HCN1: variants seen among roughly 807,000 people sequenced by gnomAD.
HCN1 encodes hyperpolarization activated cyclic nucleotide gated potassium channel 1.
HCN1 carries 13 observed loss-of-function variants against 78.9 expected under a neutral mutation model. That is an observed-to-expected ratio of 0.16 (90% confidence interval 0.11 to 0.26). The LOEUF (loss-of-function observed/expected upper bound fraction) is 0.26, where lower values mean the gene tolerates loss of function less well. Among genes scored for constraint, HCN1 ranks in the 10% least tolerant of loss-of-function variants. HCN1 has a pLI of 1.00. For missense variants in HCN1, 810 were observed against 1,154.3 expected (o/e 0.70, Z 4.32); for synonymous variants, 552 against 455.5 (o/e 1.21, Z -2.70).
At chr5:45,324,488 A>G (rs1746196610) in intron 5 of HCN1, among the ~76,000 whole-genome samples, 1 of 151,994 alleles carries the variant, frequency 6.6e-6, no homozygotes, top group African/African-American at 2.4e-5. Context: ...CGATCATTAA[A>G]AGTCAGGAAA....
At chr5:45,387,529 A>C (rs528236219) in intron 4 of HCN1, among the ~76,000 whole-genome samples, 291 of 152,208 alleles carry the variant, frequency 1.9e-3, no homozygotes, top group Middle Eastern at 3.4e-3. Context: ...TGTTTTACTT[A>C]GGGGCACTTC....
At chr5:45,483,368 C>G (rs564410939) in intron 2 of HCN1, among the ~76,000 whole-genome samples, 3 of 152,284 alleles carry the variant, frequency 2.0e-5, no homozygotes, top group Admixed American at 1.3e-4. Context: ...TTGCATTTCT[C>G]TCATGATTAG....
rs564171298 is a variant in HCN1 at position 45,549,134 on chromosome 5, T to A, written c.850-87127A>T. 2.6e-5 allele frequency among the ~76,000 whole-genome samples: 4 copies of A among 152,132 alleles called. No homozygotes were observed. In the South Asian group the frequency reaches 8.3e-4, roughly 32 times the overall value. On this transcript the variant is annotated intron_variant, in intron 2 of 7. Transcript: ENST00000303230. ...CTACCAATGACTTTCTTCACAGAAT[T>A]GGAAAAATCTACTTTAAAGTTCATA...
intron 2 of HCN1, among the ~76,000 whole-genome samples, chr5:45,531,597 C>T (rs886306459): frequency 1.2e-4 from 19 of 152,284 alleles, no homozygotes; most frequent in Non-Finnish European, 2.1e-4. Flanking sequence ...GCCCTTTCTT[C>T]ATCATATGGA....
At chr5:45,450,799 C>T (rs1479508192) in intron 3 of HCN1, among the ~76,000 whole-genome samples, 1 of 152,040 alleles carries the variant, frequency 6.6e-6, no homozygotes, top group East Asian at 1.9e-4. Context: ...GTTAGGATCT[C>T]AAACAACACA....
At chr5:45,482,809 T>A (rs1452878714) in intron 2 of HCN1, among the ~76,000 whole-genome samples, 1 of 152,136 alleles carries the variant, frequency 6.6e-6, no homozygotes, top group African/African-American at 2.4e-5. Flanking sequence ...ACATTTATGT[T>A]CATGTGTGCT....
At chr5:45,289,642 C>T (rs1561090287) in intron 6 of HCN1, among the ~76,000 whole-genome samples, 1 of 151,906 alleles carries the variant, frequency 6.6e-6, no homozygotes. Context: ...TAGTGAGACT[C>T]AAAAGTCAAA....
chr5:45,556,733 C>T (rs1046784461), intron 2 of HCN1, among the ~76,000 whole-genome samples: 5 of 152,012 alleles, frequency 3.3e-5, no homozygotes, highest in Admixed American at 1.3e-4. Flanking sequence ...ATGCACTGTT[C>T]CCCCAAACTG....
At chr5:45,648,979 C>T (rs1745625499) in intron 1 of HCN1, among the ~76,000 whole-genome samples, 1 of 151,914 alleles carries the variant, frequency 6.6e-6, no homozygotes, top group African/African-American at 2.4e-5. Context: ...CAAGGCACTC[C>T]AGGATATGGC....
At chr5:45,606,105 C>A (rs1744722621) in intron 2 of HCN1, among the ~76,000 whole-genome samples, 1 of 151,972 alleles carries the variant, frequency 6.6e-6, no homozygotes, top group Non-Finnish European at 1.5e-5. Context: ...TTTATGGTTC[C>A]ACCATCAAGA....
intron 3 of HCN1, among the ~76,000 whole-genome samples, chr5:45,431,755 A>G (rs1234197807): frequency 1.3e-5 from 2 of 151,990 alleles, no homozygotes; most frequent in African/African-American, 4.8e-5. Flanking sequence ...GGTGTGTAGC[A>G]TTATTTCTGG....
chr5:45,350,700 C>A (rs571465538), intron 5 of HCN1, among the ~76,000 whole-genome samples: 1 of 150,514 alleles, frequency 6.6e-6, no homozygotes, highest in Non-Finnish European at 1.5e-5. Flanking sequence ...AATCAATGTA[C>A]AAAAATCACA....
chr5:45,378,167 A>ATTTTATACCTAG (rs1261070197), intron 4 of HCN1, among the ~76,000 whole-genome samples: 15 of 151,916 alleles, frequency 9.9e-5, no homozygotes, highest in African/African-American at 3.6e-4. Flanking sequence ...ATTTCCACAT[A>ATTTTATACCTAG]TTTTATACCT....
At chr5:45,443,400 C>T (rs1012686526) in intron 3 of HCN1, among the ~76,000 whole-genome samples, 6 of 151,996 alleles carry the variant, frequency 3.9e-5, no homozygotes, top group African/African-American at 1.4e-4. Flanking sequence ...ATTTTAATGA[C>T]ATGGAAGGTG....
intron 2 of HCN1, among the ~76,000 whole-genome samples, chr5:45,522,223 T>C (rs1324176398): frequency 6.6e-6 from 1 of 152,054 alleles, no homozygotes; most frequent in African/African-American, 2.4e-5. Flanking sequence ...AGAATTACTT[T>C]TGCTGTTATT....
At chr5:45,604,814 C>T (rs1040619384) in intron 2 of HCN1, among the ~76,000 whole-genome samples, 3 of 151,876 alleles carry the variant, frequency 2.0e-5, no homozygotes, top group African/African-American at 7.3e-5. Context: ...ACTTAATTCA[C>T]AAATGTAAGC....
Position 45,314,447 on chromosome 5 carries a change from G to T in HCN1, c.1378-10608C>A, listed in dbSNP as rs1389575930. The stretch of plus-strand genomic sequence containing the variant: ...AGACCGTCAAGGCTAGGAAGAAACT[G>T]CATCAACTAATGAGCAAAATAACCA... On this transcript the variant is annotated intron_variant, in intron 5 of 7. Coordinates refer to ENST00000303230, the MANE Select transcript of HCN1 (RefSeq NM_021072.4). Among the ~76,000 whole-genome samples the T allele has an allele frequency of 2.0e-5, 3 of 152,274 alleles. No individual in the cohort carries two copies. The East Asian group carries it at 5.8e-4, about 29-fold the overall frequency.
intron 2 of HCN1, among the ~76,000 whole-genome samples, chr5:45,534,165 G>A (rs1485384727): frequency 6.6e-6 from 1 of 151,694 alleles, no homozygotes; most frequent in African/African-American, 2.4e-5. Flanking sequence ...GGAGGTCAAG[G>A]TGGGTGGATC....
At chr5:45,614,605 T>G (rs1744905868) in intron 2 of HCN1, among the ~76,000 whole-genome samples, 1 of 152,122 alleles carries the variant, frequency 6.6e-6, no homozygotes, top group African/African-American at 2.4e-5. Flanking sequence ...CTCACTTATT[T>G]AGGGACTGAT....
Sources: gnomAD v4.1 joint callset for allele counts (sites outside exome capture counted in the v4.1 genomes callset) on GRCh38, gnomAD v4.1.1 for gene constraint, MANE v1.5 for transcripts, NCBI Gene and HGNC (gene_info 2026-07-23, HGNC 2026-07-21) for gene names.